The following MIPOL1 variants were observed in gnomAD, a reference collection of about 807,000 sequenced individuals.
The protein encoded by MIPOL1 is mirror-image polydactyly gene 1 protein.
Under a neutral mutation model 60.9 loss-of-function variants are expected in MIPOL1, and 57 were observed. The observed-to-expected ratio is 0.94, with a 90% CI of 0.76 to 1.17. MIPOL1 has a LOEUF of 1.17. Among genes scored for constraint, MIPOL1 ranks in the 50% most tolerant of loss-of-function variants. The pLI is 0.00. For missense variants in MIPOL1, 551 were observed against 511.6 expected (o/e 1.08, Z -0.74); for synonymous variants, 179 against 168.8 (o/e 1.06, Z -0.47).
intron 9 of MIPOL1, among the ~76,000 whole-genome samples, chr14:37,309,801 C>T (rs1419863518): frequency 1.3e-5 from 2 of 151,816 alleles, no homozygotes; most frequent in East Asian, 3.9e-4. Flanking sequence ...ATTCTTCTGT[C>T]TCAGCCTCCT....
intron 9 of MIPOL1, among the ~76,000 whole-genome samples, chr14:37,345,823 C>T (rs1020256049): frequency 2.0e-5 from 3 of 152,176 alleles, no homozygotes; most frequent in Admixed American, 6.6e-5. Context: ...TGTGTTCATA[C>T]TGATATTTCA....
chr14:37,345,290 G>A (rs2153465447), intron 9 of MIPOL1, among the ~76,000 whole-genome samples: 1 of 152,126 alleles, frequency 6.6e-6, no homozygotes, highest in South Asian at 2.1e-4. Flanking sequence ...ATTTTTTGTA[G>A]AGACAAAGTC....
Position 37,447,804 on chromosome 14 carries a change from G to A in MIPOL1, c.1031+24855G>A, listed in dbSNP as rs185945005. Among the ~76,000 whole-genome samples the A allele has an allele frequency of 1.2e-3, 187 of 151,808 alleles. 2 individuals are homozygous for A. The highest frequency in any genetic ancestry group is 9.7e-4 in the East Asian group (5 of 5,160). ...TTAAATACTTTAATTCCAGTGAGCT[G>A]TTTTTTTTAATAATATAGATGTAAC... On this transcript the variant is annotated intron_variant, in intron 11 of 12. Coordinates refer to ENST00000684589, the MANE Select transcript of MIPOL1 (RefSeq NM_001388067.1).
At chr14:37,499,623 T>TA (rs2095185547) in intron 11 of MIPOL1, among the ~76,000 whole-genome samples, 1 of 152,212 alleles carries the variant, frequency 6.6e-6, no homozygotes, top group African/African-American at 2.4e-5. Flanking sequence ...CTATTCCTTT[T>TA]AAAGAAAATT....
chr14:37,526,064 G>A (rs17179162), intron 12 of MIPOL1, among the ~76,000 whole-genome samples: 11,474 of 152,112 alleles, frequency 0.075, 588 homozygotes, highest in Non-Finnish European at 0.11. Context: ...CATATCAAAC[G>A]TTGTTAAAAT....
At chr14:37,398,815 T>G (rs2093427226) in intron 10 of MIPOL1, among the ~76,000 whole-genome samples, 1 of 152,156 alleles carries the variant, frequency 6.6e-6, no homozygotes, top group East Asian at 1.9e-4. Flanking sequence ...CTCCCAAAAT[T>G]TACTTACATG....
At chr14:37,376,368 A>C (rs560124006) in intron 10 of MIPOL1, among the ~76,000 whole-genome samples, 2 of 152,188 alleles carry the variant, frequency 1.3e-5, no homozygotes, top group South Asian at 4.1e-4. Flanking sequence ...TGCTGTTTCC[A>C]TAGTTTCGCT....
chr14:37,434,758 C>T (rs1354077468), intron 11 of MIPOL1, among the ~76,000 whole-genome samples: 1 of 151,038 alleles, frequency 6.6e-6, no homozygotes, highest in Non-Finnish European at 1.5e-5. Context: ...CTTAGGGGAT[C>T]TCTGTCTTCC....
chr14:37,400,839 T>G (rs1202456631), intron 10 of MIPOL1: 1 of 152,244 alleles, frequency 6.6e-6, no homozygotes, highest in East Asian at 1.9e-4. Flanking sequence ...TTTTGAAATG[T>G]GCTCAGGGAA....
chr14:37,350,519 A>C (rs779602941), intron 9 of MIPOL1, among the ~76,000 whole-genome samples: 2 of 151,840 alleles, frequency 1.3e-5, no homozygotes, highest in African/African-American at 4.8e-5. Flanking sequence ...GTGTTTTGAT[A>C]TAGGCATGCA....
At chr14:37,338,057 TCCA>T (rs2090308202) in intron 9 of MIPOL1, among the ~76,000 whole-genome samples, 1 of 151,882 alleles carries the variant, frequency 6.6e-6, no homozygotes, top group African/African-American at 2.4e-5. Context: ...ACAAAAGGCA[TCCA>T]ACTTCAGTCT....
At chr14:37,500,984 C>G (rs1481420046) in intron 12 of MIPOL1, among the ~76,000 whole-genome samples, 1 of 152,106 alleles carries the variant, frequency 6.6e-6, no homozygotes, top group East Asian at 1.9e-4. Flanking sequence ...AAGCAGTGCT[C>G]ACATCAAGGT....
chr14:37,439,370 G>A (rs1433826190), intron 11 of MIPOL1, among the ~76,000 whole-genome samples: 1 of 152,070 alleles, frequency 6.6e-6, no homozygotes, highest in Non-Finnish European at 1.5e-5. Context: ...AACATATTGT[G>A]TTATATTATG....
chr14:37,465,178 C>T (rs954780355), intron 11 of MIPOL1, among the ~76,000 whole-genome samples: 4 of 152,224 alleles, frequency 2.6e-5, no homozygotes, highest in South Asian at 2.1e-4. Flanking sequence ...GCTGCCTTTC[C>T]GAACTTTGAT....
At chr14:37,492,534 G>A (rs1009650124) in intron 11 of MIPOL1, among the ~76,000 whole-genome samples, 18 of 152,250 alleles carry the variant, frequency 1.2e-4, no homozygotes, top group South Asian at 6.2e-4. Context: ...ATATGAATGC[G>A]TATTCTTTGG....
At chr14:37,470,598 G>A (rs890872229) in intron 11 of MIPOL1, among the ~76,000 whole-genome samples, 1 of 152,074 alleles carries the variant, frequency 6.6e-6, no homozygotes, top group East Asian at 1.9e-4. Context: ...TTCCTGCACA[G>A]CCTGCAGAAC....
At chr14:37,502,981 A>G (rs773574661) in intron 12 of MIPOL1, 4 of 152,232 alleles carry the variant, frequency 2.6e-5, no homozygotes, top group African/African-American at 7.2e-5. Flanking sequence ...TGCATGCACA[A>G]GCTTCAATAG....
At chr14:37,342,087 T>G (rs1255956983) in intron 9 of MIPOL1, among the ~76,000 whole-genome samples, 2 of 152,038 alleles carry the variant, frequency 1.3e-5, no homozygotes, top group Non-Finnish European at 2.9e-5. Flanking sequence ...GTTGGCTGGG[T>G]GGAGTGGCTC....
intron 11 of MIPOL1, among the ~76,000 whole-genome samples, chr14:37,452,411 C>T (rs1259395649): frequency 6.6e-6 from 1 of 152,146 alleles, no homozygotes; most frequent in African/African-American, 2.4e-5. Context: ...TTGCCAGCTT[C>T]TGAGTAATGC....
Sources: gnomAD v4.1 joint callset for allele counts (sites outside exome capture counted in the v4.1 genomes callset) on GRCh38, gnomAD v4.1.1 for gene constraint, MANE v1.5 for transcripts, NCBI Gene and HGNC (gene_info 2026-07-23, HGNC 2026-07-21) for gene names.